Variants in PCDHA1 observed in about 807,000 individuals in gnomAD.
PCDHA1 encodes the protein protocadherin alpha 1.
Under a neutral mutation model 61.3 loss-of-function variants are expected in PCDHA1, and 42 were observed. The observed-to-expected ratio is 0.69, with a 90% CI of 0.54 to 0.89. The LOEUF is 0.89. Ranked by LOEUF, PCDHA1 falls within the 40% of genes least tolerant of loss-of-function variation. PCDHA1 has a pLI of 0.00. For missense variants in PCDHA1, 1,256 were observed against 1,235.3 expected (o/e 1.02, Z -0.25); for synonymous variants, 610 against 553.8 (o/e 1.10, Z -1.43).
Position 140,786,789 on chromosome 5 carries a change from C to G in PCDHA1, c.499C>G (p.Leu167Val), listed in dbSNP as rs1374636637. The G allele has an allele frequency of 6.2e-7, 1 of 1,614,098 alleles. No individual in the cohort carries two copies. The highest frequency in any genetic ancestry group is 8.5e-7 in the Non-Finnish European group (1 of 1,180,050). Reference protein sequence around the residue: ...AADADIGANALLTYTLSPSDY... With the variant: ...AADADIGANAVLTYTLSPSDY... ...TGATGCAGACATTGGTGCTAACGCT[C>G]TTCTAACGTACACGCTCAGCCCGAG... The change falls in exon 1 of 4, where the codon CTT becomes GTT. Residue 167 changes from leucine to valine, a missense_variant. Coordinates refer to ENST00000504120, the MANE Select transcript of PCDHA1 (RefSeq NM_018900.4).
At chr5:140,799,637 ATTAAT>A (rs1325119948) in intron 1 of PCDHA1, among the ~76,000 whole-genome samples, 1 of 152,096 alleles carries the variant, frequency 6.6e-6, no homozygotes, top group Non-Finnish European at 1.5e-5. Context: ...AATTCAAAAT[ATTAAT>A]TTATTTATTC....
At chr5:140,910,682 C>G (rs1280217836) in intron 1 of PCDHA1, among the ~76,000 whole-genome samples, 2 of 152,198 alleles carry the variant, frequency 1.3e-5, no homozygotes, top group East Asian at 3.8e-4. Flanking sequence ...GGAGATCAGG[C>G]ATTTCCAGCT....
chr5:140,986,793 G>A lies in PCDHA1; in HGVS notation c.2542+4230G>A, dbSNP rs945707149. 6.6e-5 allele frequency among the ~76,000 whole-genome samples: 10 copies of A among 152,312 alleles called. No homozygotes were observed. In the East Asian group the frequency reaches 1.7e-3, roughly 26 times the overall value. ...TTAGGTAGCGGAAGCCACTAAGGCA[G>A]TGAGTCTTAGTTAGAGAACTTTGGT... On this transcript the variant is annotated intron_variant, in intron 3 of 3. Coordinates refer to ENST00000504120, the MANE Select transcript of PCDHA1 (RefSeq NM_018900.4).
intron 1 of PCDHA1, among the ~76,000 whole-genome samples, chr5:140,921,566 T>C (rs775027482): frequency 4.6e-5 from 7 of 152,304 alleles, no homozygotes; most frequent in Middle Eastern, 3.4e-3. Flanking sequence ...TATTATGTTA[T>C]AGTAGAGCTC....
intron 1 of PCDHA1, chr5:140,841,468 G>C: frequency 6.2e-7 from 1 of 1,612,986 alleles, no homozygotes; most frequent in Non-Finnish European, 8.5e-7. Flanking sequence ...GCCGGATCGC[G>C]CAGGACCTGG....
intron 1 of PCDHA1, chr5:140,796,791 C>A (rs375837956): frequency 6.2e-7 from 1 of 1,614,156 alleles, no homozygotes; most frequent in Non-Finnish European, 8.5e-7. Flanking sequence ...GGCTTTCGTA[C>A]GAGCTTCAGC....
At chr5:140,882,307 A>C in intron 1 of PCDHA1, 2 of 1,613,900 alleles carry the variant, frequency 1.2e-6, no homozygotes, top group Non-Finnish European at 1.7e-6. Context: ...GACCGCGGCA[A>C]CTACTGCTCT....
At chr5:140,825,764 T>C (rs1329877906) in intron 1 of PCDHA1, 5 of 152,510 alleles carry the variant, frequency 3.3e-5, no homozygotes, top group African/African-American at 4.8e-5. Flanking sequence ...ATCTCCTCAG[T>C]TGTGCAAATT....
rs533760082 is a variant in PCDHA1 at position 140,985,940 on chromosome 5, T to C, written c.2542+3377T>C. On this transcript the variant is annotated intron_variant, in intron 3 of 3. Coordinates refer to ENST00000504120, the MANE Select transcript of PCDHA1 (RefSeq NM_018900.4). ...ATTTTTAGTAGAGCCGGGGTTTCAC[T>C]GTGTTAGCCAGGATGGTCTCAATCT... is the stretch of plus-strand genomic sequence containing the variant. Among the ~76,000 whole-genome samples, 4 of 151,946 alleles carry C rather than the reference T, an allele frequency of 2.6e-5. No homozygotes were observed. In the South Asian group the frequency reaches 6.2e-4, roughly 24 times the overall value.
At chr5:140,875,835 G>A in intron 1 of PCDHA1, 1 of 1,614,196 alleles carries the variant, frequency 6.2e-7, no homozygotes, top group East Asian at 2.2e-5. Context: ...ATGTGGACGT[G>A]GAGGTGAAGG....
At chr5:140,936,527 T>G (rs533687361) in intron 1 of PCDHA1, among the ~76,000 whole-genome samples, 3 of 152,368 alleles carry the variant, frequency 2.0e-5, no homozygotes, top group African/African-American at 7.2e-5. Context: ...CTGAAATTGC[T>G]TTTGAATATA....
At chr5:140,836,364 G>A (rs1774415317) in intron 1 of PCDHA1, 1 of 1,613,596 alleles carries the variant, frequency 6.2e-7, no homozygotes, top group Admixed American at 1.7e-5. Context: ...CTCGCTGACA[G>A]CCACAGCCAC....
chr5:141,009,770 A>T lies in PCDHA1; in HGVS notation c.2686A>T (p.Ile896Phe). The part of the protein sequence containing the change: ...DKFIIPGSPA[I>F]ISIRQEPTNS... The stretch of plus-strand genomic sequence containing the variant: ...ATTCATTATCCCAGGATCTCCTGCA[A>T]TCATCTCCATCCGGCAGGAGCCTAC... The change falls in exon 4 of 4, where the codon ATC becomes TTC. Residue 896 changes from isoleucine to phenylalanine, a missense_variant. Transcript: ENST00000504120. 6.2e-7 allele frequency: 1 copy of T among 1,614,160 alleles called. No homozygotes were observed. The highest frequency in any genetic ancestry group is 8.5e-7 in the Non-Finnish European group (1 of 1,180,028).
intron 1 of PCDHA1, among the ~76,000 whole-genome samples, chr5:140,972,279 A>G (rs568636203): frequency 3.3e-5 from 5 of 150,992 alleles, no homozygotes; most frequent in South Asian, 4.2e-4. Context: ...AGCTTGGACC[A>G]TAGATGTGCG....
chr5:140,871,271 C>T (rs1369255733), intron 1 of PCDHA1: 1 of 1,613,830 alleles, frequency 6.2e-7, no homozygotes, highest in African/African-American at 1.3e-5. Context: ...CTGTGGTGGT[C>T]GGCAACGCCC....
intron 1 of PCDHA1, chr5:140,796,695 G>C (rs1554120056): frequency 1.9e-6 from 3 of 1,613,990 alleles, no homozygotes; most frequent in Admixed American, 1.7e-5. Context: ...CTGGCGCAGT[G>C]AGTGAGCTGG....
At chr5:140,834,488 C>T (rs2150219556) in intron 1 of PCDHA1, 20 of 1,614,036 alleles carry the variant, frequency 1.2e-5, no homozygotes, top group East Asian at 6.7e-5. Context: ...ACTACTCGGT[C>T]CCCGAGGAGG....
intron 1 of PCDHA1, chr5:140,928,245 A>G: frequency 2.5e-6 from 4 of 1,614,192 alleles, no homozygotes; most frequent in Non-Finnish European, 8.5e-7. Context: ...CCCAGCAGGA[A>G]CTTTTCGTTG....
At chr5:140,861,304 A>G (rs1581606834) in intron 1 of PCDHA1, 1 of 189,694 alleles carries the variant, frequency 5.3e-6, no homozygotes, top group Non-Finnish European at 1.1e-5. Context: ...GTGAAGCGGG[A>G]AAGGACCAGT....
Sources: allele counts gnomAD v4.1 joint callset (sites outside exome capture counted in the v4.1 genomes callset), GRCh38; gene constraint gnomAD v4.1.1; transcripts MANE v1.5; gene names NCBI Gene and HGNC (gene_info 2026-07-23, HGNC 2026-07-21).